The following BLTP1 variants were observed in gnomAD, a reference collection of about 807,000 sequenced individuals.
The protein encoded by BLTP1 is bridge-like lipid transfer protein family member 1, also known as fragile site-associated protein.
At chr4:122,154,957 A>T in the BLTP1 span, 1 of 935,720 alleles carries the variant, frequency 1.1e-6, no homozygotes, top group Non-Finnish European at 1.3e-6. Flanking sequence ...GAACTCAAGT[A>T]TATTTTTTAT....
At chr4:122,305,877 G>A in the BLTP1 span, 10 of 1,572,278 alleles carry the variant, frequency 6.4e-6, no homozygotes, top group Middle Eastern at 1.7e-4. Context: ...TTTATTTTAG[G>A]TTTATGAGGA....
the BLTP1 span, chr4:122,219,459 C>T: frequency 6.2e-7 from 1 of 1,614,012 alleles, no homozygotes; most frequent in East Asian, 2.2e-5. Flanking sequence ...TGGAAAATGA[C>T]AAAAAGGAAA....
the BLTP1 span, among the ~76,000 whole-genome samples, chr4:122,195,895 A>C: frequency 6.6e-6 from 1 of 152,158 alleles, no homozygotes; most frequent in Non-Finnish European, 1.5e-5. Context: ...CTGCTGACTC[A>C]ACCCTTCCTG....
the BLTP1 span, among the ~76,000 whole-genome samples, chr4:122,352,505 G>A: frequency 6.6e-6 from 1 of 151,688 alleles, no homozygotes; most frequent in Non-Finnish European, 1.5e-5. Context: ...GACTACAGGC[G>A]TGCTCCACCG....
At chr4:122,311,966 C>T in the BLTP1 span, among the ~76,000 whole-genome samples, 2 of 152,118 alleles carry the variant, frequency 1.3e-5, no homozygotes, top group African/African-American at 2.4e-5. Flanking sequence ...ATCTAAAAAT[C>T]GTAATATTCC....
chr4:122,354,669 C>CTT, the BLTP1 span, among the ~76,000 whole-genome samples: 18 of 135,086 alleles, frequency 1.3e-4, no homozygotes, highest in African/African-American at 3.5e-4. Context: ...TTTTTCTTTT[C>CTT]TTTTTTTTTT....
At chr4:122,192,123 T>A in the BLTP1 span, 2 of 1,180,706 alleles carry the variant, frequency 1.7e-6, no homozygotes, top group Non-Finnish European at 2.3e-6. Flanking sequence ...TTTTTAAGAG[T>A]GTAAAGGTTT....
the BLTP1 span, chr4:122,154,429 T>C: frequency 1.0e-6 from 1 of 985,282 alleles, no homozygotes; most frequent in Non-Finnish European, 1.2e-6. Context: ...TTTTGAGCTA[T>C]TGATACCTGA....
the BLTP1 span, chr4:122,237,575 TCTGTAAGTTTG>T: frequency 7.2e-6 from 4 of 558,232 alleles, no homozygotes; most frequent in Non-Finnish European, 9.1e-6. Flanking sequence ...TTGAAAGTTT[TCTGTAAGTTTG>T]AAAATTTTCC....
the BLTP1 span, chr4:122,215,178 A>G: frequency 1.2e-5 from 3 of 245,368 alleles, no homozygotes; most frequent in Non-Finnish European, 2.0e-5. Flanking sequence ...TATGTTGGAC[A>G]TTCAGTGTTC....
the BLTP1 span, chr4:122,187,958 T>A: frequency 5.6e-6 from 9 of 1,597,612 alleles, no homozygotes; most frequent in Non-Finnish European, 7.7e-6. Flanking sequence ...TGATGATGCT[T>A]TCTTAACTTA....
the BLTP1 span, among the ~76,000 whole-genome samples, chr4:122,282,425 C>T: frequency 2.6e-5 from 4 of 152,100 alleles, no homozygotes; most frequent in East Asian, 3.9e-4. Flanking sequence ...GTGGATCACC[C>T]GAGGTCAGGA....
chr4:122,174,212 A>G, the BLTP1 span: 1 of 985,268 alleles, frequency 1.0e-6, no homozygotes, highest in Non-Finnish European at 1.2e-6. Context: ...CATTAATTTG[A>G]GGCAATGGCT....
chr4:122,309,222 A>C, the BLTP1 span: 4 of 1,583,510 alleles, frequency 2.5e-6, no homozygotes, highest in Non-Finnish European at 2.6e-6. Context: ...AAGTTTAAAA[A>C]ATTGTCACCT....
chr4:122,251,149 A>C, the BLTP1 span: 7 of 964,130 alleles, frequency 7.3e-6, no homozygotes, highest in Non-Finnish European at 8.6e-6. Context: ...ACCTTTTCCT[A>C]AGTCTCTTTA....
chr4:122,174,725 T>TC, the BLTP1 span: 13 of 1,166,114 alleles, frequency 1.1e-5, no homozygotes, highest in Non-Finnish European at 1.5e-5. Flanking sequence ...TGTTTTATGA[T>TC]ATTTTATTGA....
At chr4:122,237,073 T>C in the BLTP1 span, 13 of 984,658 alleles carry the variant, frequency 1.3e-5, no homozygotes, top group African/African-American at 5.2e-5. Flanking sequence ...TGCTCTATTT[T>C]ACATTTGTGG....
At chr4:122,214,864 G>C in the BLTP1 span, among the ~76,000 whole-genome samples, 51 of 151,772 alleles carry the variant, frequency 3.4e-4, no homozygotes, top group East Asian at 8.9e-3. Context: ...TGCCCACCTG[G>C]GCCTCCTGAA....
the BLTP1 span, chr4:122,349,912 A>C: frequency 4.3e-6 from 7 of 1,613,846 alleles, no homozygotes; most frequent in South Asian, 4.4e-5. This position sits in a 1 kb window ranked among gnomAD's most constrained non-coding sequence, Gnocchi z 4.5. Context: ...AATGATATCA[A>C]GGTCAACCAC....
Sources: gnomAD v4.1 joint callset for allele counts (sites outside exome capture counted in the v4.1 genomes callset) on GRCh38, gnomAD v4.1.1 for gene constraint, Gnocchi (gnomAD v3.1) non-coding constraint, MANE v1.5 for transcripts, NCBI Gene and HGNC (gene_info 2026-07-23, HGNC 2026-07-21) for gene names.